The following EBF1 variants were observed in gnomAD, a reference collection of about 807,000 sequenced individuals.
EBF1 encodes the protein EBF transcription factor 1, also known as transcription factor COE1.
In EBF1, 10 loss-of-function variants were observed where a neutral mutation model predicts 68.4. The observed-to-expected ratio is 0.15, with a 90% CI of 0.09 to 0.25. EBF1 has a LOEUF of 0.25. Ranked by LOEUF, EBF1 falls within the 10% of genes least tolerant of loss-of-function variation. The pLI is 1.00. For synonymous variants in EBF1, 298 were observed against 299.8 expected, an observed-to-expected ratio of 0.99 and a Z score of 0.06; for missense variants, 509 against 794.4, an observed-to-expected ratio of 0.64 and a Z score of 4.32.
At chr5:158,988,823 C>A (rs1235813776) in intron 6 of EBF1, among the ~76,000 whole-genome samples, 1 of 152,182 alleles carries the variant, frequency 6.6e-6, no homozygotes, top group Non-Finnish European at 1.5e-5. Context: ...TCTGGCTTAG[C>A]CTTTGCAAAG....
chr5:158,704,378 G>A (rs1029908431), intron 15 of EBF1, among the ~76,000 whole-genome samples: 1 of 152,318 alleles, frequency 6.6e-6, no homozygotes, highest in South Asian at 2.1e-4. Context: ...AGTTAACAGA[G>A]TGGTAGTTGG....
chr5:158,946,978 T>A (rs1814890690), intron 6 of EBF1, among the ~76,000 whole-genome samples: 1 of 152,160 alleles, frequency 6.6e-6, no homozygotes, highest in Non-Finnish European at 1.5e-5. Context: ...GTGGCTTTGT[T>A]AACACTGTGA....
At chr5:158,809,241 G>A (rs1484591456) in intron 8 of EBF1, among the ~76,000 whole-genome samples, 2 of 152,120 alleles carry the variant, frequency 1.3e-5, no homozygotes, top group Admixed American at 6.6e-5. Flanking sequence ...TCAACCTTGA[G>A]CAGTAGGCAA....
At chr5:158,928,652 C>T (rs958420123) in intron 6 of EBF1, among the ~76,000 whole-genome samples, 6 of 152,166 alleles carry the variant, frequency 3.9e-5, no homozygotes, top group African/African-American at 1.4e-4. Context: ...TCTTTCAAGC[C>T]GCTTAAGTGG....
At chr5:158,808,911 C>A (rs778058874) in intron 8 of EBF1, among the ~76,000 whole-genome samples, 1 of 152,140 alleles carries the variant, frequency 6.6e-6, no homozygotes, top group Non-Finnish European at 1.5e-5. Context: ...CCAAAAAGAT[C>A]CATCTTTTGC....
intron 6 of EBF1, among the ~76,000 whole-genome samples, chr5:159,057,924 A>G (rs971318436): frequency 1.3e-5 from 2 of 152,242 alleles, no homozygotes; most frequent in South Asian, 4.1e-4. Flanking sequence ...TGAAAACTAA[A>G]AAGAGCTGAA....
chr5:158,723,151 T>A (rs950991026), intron 11 of EBF1, among the ~76,000 whole-genome samples: 2 of 152,288 alleles, frequency 1.3e-5, no homozygotes, highest in Admixed American at 6.5e-5. Context: ...TTGTCTGCAT[T>A]TACATGTGAA....
At chr5:158,718,269 G>T (rs556380507) in intron 11 of EBF1, among the ~76,000 whole-genome samples, 2 of 152,040 alleles carry the variant, frequency 1.3e-5, no homozygotes, top group African/African-American at 4.8e-5. Context: ...AAAGATTGTC[G>T]CCATCACTTG....
At chr5:158,842,245 G>A (rs1317721223) in intron 6 of EBF1, among the ~76,000 whole-genome samples, 1 of 152,236 alleles carries the variant, frequency 6.6e-6, no homozygotes, top group Non-Finnish European at 1.5e-5. Context: ...CAAGTGCTGG[G>A]TAGCCCTGCT....
chr5:159,075,036 A>G (rs1181184161), intron 5 of EBF1, among the ~76,000 whole-genome samples: 2 of 152,218 alleles, frequency 1.3e-5, no homozygotes, highest in Admixed American at 6.5e-5. Context: ...CCTACATTTC[A>G]TGGGCTTCTC....
chr5:158,752,659 A>G (rs1240803653), intron 10 of EBF1, among the ~76,000 whole-genome samples: 1 of 152,112 alleles, frequency 6.6e-6, no homozygotes, highest in Non-Finnish European at 1.5e-5. Flanking sequence ...TGTTTTCTAT[A>G]CATTTCAAAG....
chr5:158,779,570 T>G (rs993665173), intron 9 of EBF1, among the ~76,000 whole-genome samples: 3 of 152,190 alleles, frequency 2.0e-5, no homozygotes, highest in African/African-American at 7.2e-5. Context: ...AAGGTATGCT[T>G]CTAATTTTAA....
chr5:158,912,984 T>C (rs75644344), intron 6 of EBF1, among the ~76,000 whole-genome samples: 2,976 of 152,316 alleles, frequency 0.02, 41 homozygotes, highest in Middle Eastern at 0.044. Context: ...GCATCACTTT[T>C]GGTGCACATT....
intron 5 of EBF1, among the ~76,000 whole-genome samples, chr5:159,075,174 C>A (rs566481281): frequency 6.6e-6 from 1 of 152,254 alleles, no homozygotes; most frequent in East Asian, 1.9e-4. Flanking sequence ...ATTGCAGTAT[C>A]TACCTCTAAA....
intron 10 of EBF1, among the ~76,000 whole-genome samples, chr5:158,759,169 A>G (rs1770829606): frequency 6.6e-6 from 1 of 152,194 alleles, no homozygotes. Context: ...CAATCTTACT[A>G]TGTGGATAAA....
chr5:158,712,194 G>C lies in EBF1; in HGVS notation c.1509C>G (p.Pro503=), dbSNP rs367836384. Residue 503 remains proline (P), a synonymous_variant, in exon 14 of 16, where the codon CCC becomes CCG. Coordinates refer to ENST00000313708, the MANE Select transcript of EBF1 (RefSeq NM_024007.5). ...SAAMSNLGGS[P]TFLNGSAANS... Reference sequence around the variant, plus strand: ...TGGCAGCTGAGCCGTTGAGGAAGGTGGGGGAGCCGCCCAAATTGGACATTG... The same window carrying C: ...TGGCAGCTGAGCCGTTGAGGAAGGTCGGGGAGCCGCCCAAATTGGACATTG... 2.5e-6 allele frequency: 4 copies of C among 1,613,758 alleles called. No homozygotes were observed. Among genetic ancestry groups the C allele is most frequent in the South Asian group, 1.1e-5 (1 of 90,948 alleles).
chr5:158,748,747 C>T (rs1768137027), intron 10 of EBF1, among the ~76,000 whole-genome samples: 1 of 152,168 alleles, frequency 6.6e-6, no homozygotes, highest in African/African-American at 2.4e-5. Context: ...GACGTCCTCC[C>T]ATCACTGCTC....
chr5:158,998,006 T>A lies in EBF1; in HGVS notation c.554+75390A>T, dbSNP rs564595435. Among the ~76,000 whole-genome samples the A allele has an allele frequency of 8.5e-5, 13 of 152,222 alleles. 1 individual carries two copies. In the East Asian group the frequency reaches 2.5e-3, roughly 29 times the overall value. On this transcript the variant is annotated intron_variant, in intron 6 of 15. Transcript: ENST00000313708. ...TTCCTTCCCCTCCCCTGCTACCTCC[T>A]CCTCATTCTGAAAGGCTCAATTCAG...
chr5:159,020,486 C>A (rs139833872), intron 6 of EBF1, among the ~76,000 whole-genome samples: 2 of 152,176 alleles, frequency 1.3e-5, no homozygotes, highest in East Asian at 3.8e-4. Context: ...CACCCTCAAT[C>A]GAGCGATGCG....
Sources: allele counts gnomAD v4.1 joint callset (sites outside exome capture counted in the v4.1 genomes callset), GRCh38; gene constraint gnomAD v4.1.1; transcripts MANE v1.5; gene names NCBI Gene and HGNC (gene_info 2026-07-23, HGNC 2026-07-21).